TXLNG: variants seen among roughly 807,000 people sequenced by gnomAD.
TXLNG encodes taxilin gamma, also known as gamma-taxilin.
In TXLNG, 5 loss-of-function variants were observed where a neutral mutation model predicts 38.8. The observed-to-expected ratio is 0.13, with a 90% confidence interval of 0.07 to 0.27. The LOEUF is 0.27. Among genes scored for constraint, TXLNG ranks in the 10% least tolerant of loss-of-function variants. The pLI, the probability that TXLNG is intolerant of heterozygous loss-of-function variation, is 1.00. For synonymous variants in TXLNG, 182 were observed against 158.2 expected, an observed-to-expected ratio of 1.15 and a Z score of -1.13; for missense variants, 393 against 398.2, an observed-to-expected ratio of 0.99 and a Z score of 0.11.
chrX:16,790,086 C>T (rs942035760), intron 1 of TXLNG, among the ~76,000 whole-genome samples: 3 of 111,284 alleles, frequency 2.7e-5, no homozygotes, highest in Non-Finnish European at 5.6e-5. Context: ...GTGTGAGCCA[C>T]TGCGCCCGAC....
chrX:16,836,405 C>T (rs920571714), intron 7 of TXLNG, among the ~76,000 whole-genome samples: 5 of 112,646 alleles, frequency 4.4e-5, no homozygotes, highest in African/African-American at 1.6e-4. Context: ...CCTGTGTGTT[C>T]TCCAGGTCAC....
intron 9 of TXLNG, 146 bp downstream of exon 9, chrX:16,840,062 G>A (rs1929738994): frequency 2.4e-6 from 1 of 415,995 alleles, no homozygotes; most frequent in African/African-American, 2.6e-5. Context: ...GTGGGGATGA[G>A]TTGCTGGGTA....
intron 4 of TXLNG, 93 bp from the exon 5 acceptor site, chrX:16,829,483 C>T (rs773887380): frequency 1.3e-5 from 11 of 846,592 alleles, no homozygotes; most frequent in Non-Finnish European, 1.8e-5. Context: ...CACGTCAGGG[C>T]AGCAACAAAT....
At chrX:16,831,751 T>A (rs965399392) in intron 5 of TXLNG, among the ~76,000 whole-genome samples, 2 of 112,147 alleles carry the variant, frequency 1.8e-5, no homozygotes, top group Non-Finnish European at 3.8e-5. Flanking sequence ...ATGTGTCTTA[T>A]GTTATGTTCT....
Position 16,834,268 on chromosome X carries a change from G to A in TXLNG, c.985-15G>A. The A allele has an allele frequency of 8.4e-7, 1 of 1,194,831 alleles. No homozygotes were observed. Among genetic ancestry groups the A allele is most frequent in the Non-Finnish European group, 1.1e-6 (1 of 883,510 alleles). On this transcript the variant is annotated splice_polypyrimidine_tract_variant and intron_variant, in intron 6 of 9. Coordinates refer to ENST00000380122, the MANE Select transcript of TXLNG (RefSeq NM_018360.3). ...ATTACCATTAGCATTTTGCCAGAAT[G>A]TTTCTGTTTTCTAGTTATTAAAAGA...
intron 9 of TXLNG, among the ~76,000 whole-genome samples, chrX:16,840,746 C>T (rs971946320): frequency 1.6e-4 from 18 of 109,187 alleles, no homozygotes; most frequent in African/African-American, 5.3e-4. Flanking sequence ...CACTCCAGCC[C>T]GGGCGACAGA....
intron 1 of TXLNG, among the ~76,000 whole-genome samples, chrX:16,802,847 G>A (rs1250531353): frequency 1.0e-5 from 1 of 99,793 alleles, no homozygotes; most frequent in African/African-American, 3.7e-5. Flanking sequence ...TTGAGACAGA[G>A]TTTTGCTCTT....
At chrX:16,829,860 T>C (rs1929321448) in intron 5 of TXLNG, 90 bp downstream of exon 5, 1 of 936,725 alleles carries the variant, frequency 1.1e-6, no homozygotes, top group African/African-American at 2.0e-5. Context: ...TCACGGGTGT[T>C]TCAGAACTTT....
chrX:16,788,202 G>A (rs1286881783), intron 1 of TXLNG, among the ~76,000 whole-genome samples: 2 of 112,231 alleles, frequency 1.8e-5, no homozygotes, highest in African/African-American at 6.5e-5. Flanking sequence ...CACTGCAATT[G>A]AGGATATAAG....
intron 1 of TXLNG, among the ~76,000 whole-genome samples, chrX:16,809,310 G>A (rs1198286229): frequency 1.0e-5 from 1 of 95,499 alleles, no homozygotes; most frequent in African/African-American, 3.9e-5. Context: ...CAGTGTTGTC[G>A]AAGTTTTTGA....
At chrX:16,829,915 G>A (rs1454027826) in intron 5 of TXLNG, 145 bp downstream of exon 5, 2 of 537,214 alleles carry the variant, frequency 3.7e-6, no homozygotes, top group Admixed American at 4.0e-5. Flanking sequence ...AAACGATCAG[G>A]CACCACAAAT....
At chrX:16,830,135 A>G (rs1470484377) in intron 5 of TXLNG, among the ~76,000 whole-genome samples, 1 of 110,514 alleles carries the variant, frequency 9.0e-6, no homozygotes, top group African/African-American at 3.3e-5. Flanking sequence ...GATAATCTCT[A>G]CAGTATCCAC....
Position 16,841,447 on chromosome X carries a change from A to T in TXLNG, c.1268A>T (p.Glu423Val), listed in dbSNP as rs751033038. 5 of 1,202,350 alleles carry T rather than the reference A, an allele frequency of 4.2e-6. No individual in the cohort carries two copies. In the South Asian group the frequency reaches 7.2e-5, roughly 17 times the overall value. Reference sequence around the variant, plus strand: ...TTACAGAAAACAGTCCGTGATAAAGAGTACAAGGCCCTTCAAATAAAACTG... The same window carrying T: ...TTACAGAAAACAGTCCGTGATAAAGTGTACAAGGCCCTTCAAATAAAACTG... ...MAEEKTVRDK[E>V]YKALQIKLER... The change falls in exon 10 of 10, where the codon GAG becomes GTG. Residue 423 changes from glutamate (E) to valine (V), a missense_variant. Coordinates refer to ENST00000380122, the MANE Select transcript of TXLNG (RefSeq NM_018360.3).
intron 1 of TXLNG, among the ~76,000 whole-genome samples, chrX:16,814,709 C>G (rs1232663706): frequency 9.0e-6 from 1 of 111,497 alleles, no homozygotes; most frequent in Admixed American, 9.6e-5. Flanking sequence ...GAGGCAGCAA[C>G]TAGATTAGTG....
chrX:16,787,253 C>T (rs1039549058), intron 1 of TXLNG, among the ~76,000 whole-genome samples: 4 of 111,977 alleles, frequency 3.6e-5, no homozygotes, highest in Non-Finnish European at 7.6e-5. Context: ...GCTCCGAGGG[C>T]TTGGCTGCAC....
In TXLNG at chrX:16,842,986, T is replaced by TAAC. The variant is rs768870030; in HGVS notation, c.*1221_*1223dup. 2 of 112,563 alleles carry TAAC rather than the reference T, an allele frequency of 1.8e-5. No homozygotes were observed. The highest frequency in any genetic ancestry group is 5.6e-4 in the East Asian group (2 of 3,589). The allele number at this position is 112,563 out of a possible 1,213,427, so 9.3% of individuals were successfully genotyped here. On this transcript the variant is annotated 3_prime_UTR_variant, in exon 10 of 10. Transcript: ENST00000380122. Reference sequence around the variant, plus strand: ...GGGGGAAAATTTGAAATTAAGCACATAACTTTTGAATTAGTTCTTTGTTTC... The same window carrying TAAC: ...GGGGGAAAATTTGAAATTAAGCACATAACAACTTTTGAATTAGTTCTTTGTTTC...
chrX:16,837,332 AT>A (rs1453027912), intron 7 of TXLNG, among the ~76,000 whole-genome samples: 5 of 112,035 alleles, frequency 4.5e-5, no homozygotes, highest in African/African-American at 1.6e-4. Context: ...CATGACGTTT[AT>A]AGTCACCACA....
chrX:16,834,717 G>A (rs1225241407), intron 7 of TXLNG, among the ~76,000 whole-genome samples: 1 of 111,734 alleles, frequency 8.9e-6, no homozygotes, highest in African/African-American at 3.3e-5. Flanking sequence ...CCCACTAAAG[G>A]AAAACTGATA....
chrX:16,806,832 G>A (rs1241611171), intron 1 of TXLNG, among the ~76,000 whole-genome samples: 2 of 107,802 alleles, frequency 1.9e-5, no homozygotes, highest in Non-Finnish European at 3.8e-5. Flanking sequence ...CAGGAGAATT[G>A]CTTGAACTCG....
Sources: allele counts gnomAD v4.1 joint callset (sites outside exome capture counted in the v4.1 genomes callset), GRCh38; gene constraint gnomAD v4.1.1; transcripts MANE v1.5; gene names NCBI Gene and HGNC (gene_info 2026-07-23, HGNC 2026-07-21).